WIPF2: variants seen among roughly 807,000 people sequenced by gnomAD.
WIPF2 encodes WAS/WASL-interacting protein family member 2.
In WIPF2, 23 loss-of-function variants were observed where a neutral mutation model predicts 38.8. That is an observed-to-expected ratio of 0.59 (90% CI 0.43 to 0.84). The LOEUF (loss-of-function observed/expected upper bound fraction) is 0.84, where lower values mean the gene tolerates loss of function less well. Ranked by LOEUF, WIPF2 falls within the 40% of genes least tolerant of loss-of-function variation. The pLI is 0.00. For synonymous variants in WIPF2, 210 were observed against 223.2 expected (o/e 0.94, Z 0.53); for missense variants, 574 against 580.5 (o/e 0.99, Z 0.11).
At chr17:40,263,048 C>T (rs531249824) in intron 4 of WIPF2, among the ~76,000 whole-genome samples, 1 of 152,204 alleles carries the variant, frequency 6.6e-6, no homozygotes, top group South Asian at 2.1e-4. Flanking sequence ...TTACTAGAGG[C>T]TGGGGGCAGT....
intron 3 of WIPF2, 107 bp downstream of exon 3, chr17:40,260,774 C>A: frequency 6.9e-7 from 1 of 1,447,094 alleles, no homozygotes; most frequent in Non-Finnish European, 9.6e-7. Flanking sequence ...GAGTTTTGTC[C>A]TGGGATGTGC....
Position 40,264,865 on chromosome 17 carries a change from T to C in WIPF2, c.689T>C (p.Val230Ala). ...GREGPPAPPP[V>A]KPPPSPVNIR... ...GAGGGACCTCCTGCTCCACCCCCAG[T>C]CAAACCACCTCCTTCCCCTGTGAAT... The change falls in exon 5 of 8, where the codon GTC becomes GCC. Residue 230 changes from valine to alanine, a missense_variant. Val to Ala is a moderately conservative substitution (Grantham distance 64). Coordinates refer to ENST00000323571, the MANE Select transcript of WIPF2 (RefSeq NM_133264.5). 1.9e-6 allele frequency: 3 copies of C among 1,614,044 alleles called. No homozygotes were observed. Among genetic ancestry groups the C allele is most frequent in the Non-Finnish European group, 2.5e-6 (3 of 1,180,008 alleles).
chr17:40,275,657 A>G (rs1337907851), intron 6 of WIPF2, among the ~76,000 whole-genome samples: 1 of 151,908 alleles, frequency 6.6e-6, no homozygotes, highest in Non-Finnish European at 1.5e-5. Context: ...TCGACCTCCC[A>G]GGCTCAAGCA....
Position 40,282,559 on chromosome 17 carries a change from G to C in WIPF2, c.*4334G>C, listed in dbSNP as rs2032574664. ...TTTGGAGTTATATTCTGATTACAGT[G>C]CTCCCTCTCCCAAATAGCATTGATT... On this transcript the variant is annotated 3_prime_UTR_variant, in exon 8 of 8. Coordinates refer to ENST00000323571, the MANE Select transcript of WIPF2 (RefSeq NM_133264.5). 6.6e-6 allele frequency: 1 copy of C among 152,160 alleles called. No homozygotes were observed. The highest frequency in any genetic ancestry group is 1.5e-5 in the Non-Finnish European group (1 of 68,026). 9.4% of individuals were successfully genotyped at this position (152,160 alleles called of 1,614,324 possible).
intron 2 of WIPF2, among the ~76,000 whole-genome samples, chr17:40,257,286 TTAG>T (rs936976185): frequency 6.6e-6 from 1 of 152,140 alleles, no homozygotes; most frequent in African/African-American, 2.4e-5. Context: ...TTGAGGATTC[TTAG>T]TGGTTGTTTC....
intron 6 of WIPF2, among the ~76,000 whole-genome samples, chr17:40,276,604 A>ACTTGGTGG (rs2032408742): frequency 6.6e-6 from 1 of 150,656 alleles, no homozygotes; most frequent in Non-Finnish European, 1.5e-5. Flanking sequence ...TCTGTGCCTG[A>ACTTGGTGG]CTTGGTGGAA....
In WIPF2 at chr17:40,281,014, T is replaced by G. The variant is rs1177189085; in HGVS notation, c.*2789T>G. The G allele has an allele frequency of 6.6e-6, 1 of 152,632 alleles. No individual in the cohort carries two copies. Among genetic ancestry groups the G allele is most frequent in the African/African-American group, 2.4e-5 (1 of 41,442 alleles). 9.5% of individuals were successfully genotyped at this position (152,632 alleles called of 1,614,324 possible). ...TGATCTGCATAGTTATCAGTCTATT[T>G]TGTATGTTGTAAAAAGCTTCTAATT... On this transcript the variant is annotated 3_prime_UTR_variant, in exon 8 of 8. Transcript: ENST00000323571.
intron 6 of WIPF2, 77 bp downstream of exon 6, chr17:40,274,076 C>G: frequency 7.9e-7 from 1 of 1,262,210 alleles, no homozygotes; most frequent in Non-Finnish European, 1.1e-6. Flanking sequence ...TGCTAGATGG[C>G]CACCATAGAG....
intron 5 of WIPF2, among the ~76,000 whole-genome samples, chr17:40,270,667 A>G (rs2032223546): frequency 6.6e-6 from 1 of 152,184 alleles, no homozygotes; most frequent in African/African-American, 2.4e-5. Context: ...TTGAGGGCTT[A>G]AAGAAGCTTC....
intron 1 of WIPF2, among the ~76,000 whole-genome samples, chr17:40,224,979 C>T (rs578128906): frequency 2.6e-5 from 4 of 151,976 alleles, no homozygotes; most frequent in Middle Eastern, 3.4e-3. Context: ...GGCAGAGTTC[C>T]GGTTGACTGA....
chr17:40,221,104 C>CATTTGAATTATTTGAATAATAATT (rs1370304879), intron 1 of WIPF2, among the ~76,000 whole-genome samples: 13 of 152,090 alleles, frequency 8.5e-5, no homozygotes, highest in Admixed American at 8.5e-4. Context: ...TTTTAAAGGA[C>CATTTGAATTATTTGAATAATAATT]TTGAATAATC....
At chr17:40,230,139 A>G (rs1019111498) in intron 1 of WIPF2, among the ~76,000 whole-genome samples, 2 of 152,146 alleles carry the variant, frequency 1.3e-5, no homozygotes, top group Non-Finnish European at 2.9e-5. Context: ...GAAGTTCACA[A>G]CCAATCTGGG....
chr17:40,275,266 A>C (rs1046184413), intron 6 of WIPF2, among the ~76,000 whole-genome samples: 7 of 150,824 alleles, frequency 4.6e-5, no homozygotes, highest in South Asian at 2.1e-4. Flanking sequence ...AAAAAACAAA[A>C]CCCAAAACAT....
rs546339775 is a variant in WIPF2 at position 40,277,115 on chromosome 17, G to T, written c.1213G>T (p.Val405Leu). 1.6e-5 allele frequency: 26 copies of T among 1,613,346 alleles called. No individual in the cohort carries two copies. The highest frequency in any genetic ancestry group is 2.1e-5 in the Non-Finnish European group (25 of 1,179,758). The part of the protein sequence containing the change: ...DFESKYSFHP[V>L]EDFPAPEEYK... ...TGAGTCAAAGTATTCCTTCCATCCA[G>T]TAGAAGACTTTCCTGCTCCAGAAGA... Residue 405 changes from valine to leucine, a missense_variant, in exon 7 of 8, where the codon GTA (valine) becomes TTA (leucine). Val to Leu is a conservative substitution (Grantham distance 32). Coordinates refer to ENST00000323571, the MANE Select transcript of WIPF2 (RefSeq NM_133264.5).
In WIPF2 at chr17:40,264,653, C is replaced by T. The variant is rs375303125; in HGVS notation, c.477C>T (p.Leu159=). 13 of 1,613,860 alleles carry T rather than the reference C, an allele frequency of 8.1e-6. No homozygotes were observed. The African/African-American group carries it at 1.2e-4, about 15-fold the overall frequency. The change falls in exon 5 of 8, where the codon CTC becomes CTT. Residue 159 remains leucine (L), a synonymous_variant. Transcript: ENST00000323571. ...TGCAGAGACCCTCTTTACCGGACCTCTCTCGGCCTAATACCACCAGCAGTA... is the reference window on the plus strand; with the variant it reads ...TGCAGAGACCCTCTTTACCGGACCTTTCTCGGCCTAATACCACCAGCAGTA... ...PRMQRPSLPD[L]SRPNTTSSTG...
chr17:40,220,897 T>TC (rs947710741), intron 1 of WIPF2, among the ~76,000 whole-genome samples: 1 of 150,092 alleles, frequency 6.7e-6, no homozygotes, highest in African/African-American at 2.5e-5. Flanking sequence ...TGCCTCAGCC[T>TC]CCCGAGTAGC....
chr17:40,239,933 G>T (rs2031128003), intron 1 of WIPF2, among the ~76,000 whole-genome samples: 1 of 151,932 alleles, frequency 6.6e-6, no homozygotes, highest in East Asian at 1.9e-4. Context: ...CTGACCTCAG[G>T]TGTTCCACCC....
At chr17:40,259,044 TAA>T (rs1434371992) in intron 2 of WIPF2, among the ~76,000 whole-genome samples, 4 of 103,284 alleles carry the variant, frequency 3.9e-5, no homozygotes, top group Non-Finnish European at 6.1e-5. Flanking sequence ...AAAAAAAAGA[TAA>T]GTTTTTTTTT....
intron 1 of WIPF2, among the ~76,000 whole-genome samples, chr17:40,252,957 GT>G (rs1316806917): frequency 1.3e-5 from 2 of 151,554 alleles, no homozygotes; most frequent in East Asian, 3.9e-4. Context: ...TAGAGATGGG[GT>G]TTCTTCCATG....
Sources: gnomAD v4.1 joint callset for allele counts (sites outside exome capture counted in the v4.1 genomes callset) on GRCh38, gnomAD v4.1.1 for gene constraint, MANE v1.5 for transcripts, NCBI Gene and HGNC (gene_info 2026-07-23, HGNC 2026-07-21) for gene names.